ZBTB20: variants seen among roughly 807,000 people sequenced by gnomAD.
ZBTB20 encodes the protein zinc finger and BTB domain-containing protein 20.
A neutral mutation model predicts 56.9 loss-of-function variants in ZBTB20; 9 were observed. The ratio of observed to expected loss-of-function variants is 0.16; its 90% confidence interval spans 0.10 to 0.28. ZBTB20 has a LOEUF of 0.28. Among genes scored for constraint, ZBTB20 ranks in the 10% least tolerant of loss-of-function variants. The pLI is 1.00. For synonymous variants in ZBTB20, 417 were observed against 420.7 expected, an observed-to-expected ratio of 0.99 and a Z score of 0.11; for missense variants, 655 against 1,003.0, an observed-to-expected ratio of 0.65 and a Z score of 4.69.
intron 1 of ZBTB20, among the ~76,000 whole-genome samples, chr3:115,122,536 C>T (rs1327866524): frequency 6.6e-6 from 1 of 151,996 alleles, no homozygotes; most frequent in Non-Finnish European, 1.5e-5. Context: ...AATCCTATAT[C>T]TCTGAGGAGA....
chr3:114,849,219 G>A (rs2074872479), intron 4 of ZBTB20, among the ~76,000 whole-genome samples: 1 of 152,138 alleles, frequency 6.6e-6, no homozygotes. Flanking sequence ...CTAGGCAACA[G>A]GGATAATCTA....
intron 2 of ZBTB20, among the ~76,000 whole-genome samples, chr3:115,004,522 T>C (rs954482611): frequency 4.0e-5 from 6 of 151,732 alleles, no homozygotes; most frequent in Admixed American, 3.9e-4. Flanking sequence ...GGTTTGTGCC[T>C]CTTTTCTTTG....
intron 6 of ZBTB20, among the ~76,000 whole-genome samples, chr3:114,598,107 T>C (rs1474394973): frequency 2.0e-5 from 3 of 152,104 alleles, no homozygotes; most frequent in East Asian, 3.9e-4. Flanking sequence ...AGAGACATTA[T>C]CCACTTTGCC....
intron 6 of ZBTB20, among the ~76,000 whole-genome samples, chr3:114,555,874 C>T (rs188387349): frequency 1.7e-3 from 260 of 152,186 alleles, no homozygotes; most frequent in Admixed American, 4.9e-3. Context: ...CTTCAATTGT[C>T]CCAAACATGT....
intron 4 of ZBTB20, among the ~76,000 whole-genome samples, chr3:114,864,975 T>A (rs148486415): frequency 6.6e-6 from 1 of 152,078 alleles, no homozygotes; most frequent in Non-Finnish European, 1.5e-5. Flanking sequence ...AAGAGTAATA[T>A]ACACATTATA....
intron 8 of ZBTB20, among the ~76,000 whole-genome samples, chr3:114,381,825 A>C (rs6775754): frequency 0.31 from 47,889 of 152,140 alleles, 9,449 homozygotes; most frequent in Non-Finnish European, 0.43. Flanking sequence ...CAGAGATGGC[A>C]TGGCAAAGAT....
At chr3:114,415,464 C>T (rs2088441450) in intron 7 of ZBTB20, among the ~76,000 whole-genome samples, 1 of 152,160 alleles carries the variant, frequency 6.6e-6, no homozygotes, top group Middle Eastern at 3.4e-3. Context: ...AATGCCTTCA[C>T]CTGTAAAGTG....
chr3:115,027,995 A>C (rs1192075176), intron 2 of ZBTB20, among the ~76,000 whole-genome samples: 1 of 150,772 alleles, frequency 6.6e-6, no homozygotes, highest in East Asian at 1.9e-4. Flanking sequence ...TAGAACAACT[A>C]AATTTAGCTA....
chr3:114,552,541 C>T (rs1349271392), intron 6 of ZBTB20, among the ~76,000 whole-genome samples: 2 of 151,952 alleles, frequency 1.3e-5, no homozygotes, highest in African/African-American at 4.8e-5. Context: ...GGCCTATTTC[C>T]AAACCGCCCA....
intron 10 of ZBTB20, among the ~76,000 whole-genome samples, chr3:114,368,163 G>A (rs1056389660): frequency 6.6e-6 from 1 of 152,170 alleles, no homozygotes; most frequent in Non-Finnish European, 1.5e-5. Context: ...CCTATGAGAT[G>A]CATACTATTT....
intron 10 of ZBTB20, among the ~76,000 whole-genome samples, chr3:114,355,644 C>T (rs184366946): frequency 3.3e-5 from 5 of 152,210 alleles, no homozygotes; most frequent in Admixed American, 3.3e-4. Flanking sequence ...TCCTTTTCAT[C>T]CAATGGGCAT....
intron 1 of ZBTB20, among the ~76,000 whole-genome samples, chr3:115,138,527 A>T (rs1375927161): frequency 6.6e-6 from 1 of 152,070 alleles, no homozygotes; most frequent in African/African-American, 2.4e-5. Flanking sequence ...ACTGAGTTAA[A>T]ATCGTCCCAG....
intron 1 of ZBTB20, among the ~76,000 whole-genome samples, chr3:115,131,129 G>T (rs1462841183): frequency 2.0e-5 from 3 of 152,058 alleles, no homozygotes; most frequent in African/African-American, 7.2e-5. Flanking sequence ...GTGGGGTTTT[G>T]AACATGTTTT....
At chr3:114,908,445 G>A (rs182638874) in intron 3 of ZBTB20, among the ~76,000 whole-genome samples, 27 of 152,064 alleles carry the variant, frequency 1.8e-4, no homozygotes, top group Non-Finnish European at 3.4e-4. Context: ...AATAAAGTTT[G>A]CAATAACTGT....
rs142978385 is a variant in ZBTB20 at position 114,775,965 on chromosome 3, G to A, written c.-343+25136C>T. Among the ~76,000 whole-genome samples the A allele has an allele frequency of 7.4e-3, 1,124 of 151,380 alleles. 15 individuals carry two copies. The highest frequency in any genetic ancestry group is 0.013 in the Non-Finnish European group (876 of 67,894). On this transcript the variant is annotated intron_variant, in intron 5 of 11. Transcript: ENST00000675478. Reference sequence around the variant, plus strand: ...CTGCAGACCATTGATCATGGACCTAGTTTTCTTCAACCCTGTAAAATCTTG... The same window carrying A: ...CTGCAGACCATTGATCATGGACCTAATTTTCTTCAACCCTGTAAAATCTTG...
chr3:114,608,122 T>C (rs1341907921), intron 6 of ZBTB20, among the ~76,000 whole-genome samples: 3 of 151,924 alleles, frequency 2.0e-5, no homozygotes, highest in South Asian at 4.2e-4. Context: ...ATAAGGCAAT[T>C]GATATAGAGA....
intron 2 of ZBTB20, among the ~76,000 whole-genome samples, chr3:114,998,161 CA>C (rs1443179882): frequency 6.6e-6 from 1 of 151,634 alleles, no homozygotes; most frequent in African/African-American, 2.4e-5. Context: ...CCCAGCTTTC[CA>C]CATTGGTACC....
chr3:114,507,141 TG>T (rs1408683494), intron 6 of ZBTB20, among the ~76,000 whole-genome samples: 2 of 152,304 alleles, frequency 1.3e-5, no homozygotes, highest in African/African-American at 4.8e-5. Context: ...GGAAAACTGA[TG>T]CTCTTTATTC....
At position 115,139,853 on chromosome 3, in the gene ZBTB20, T is replaced by C. The variant is rs183046890; in HGVS notation, c.-703+7366A>G. Among the ~76,000 whole-genome samples the C allele has an allele frequency of 3.6e-4, 55 of 152,172 alleles. No individual in the cohort carries two copies. In the South Asian group the frequency reaches 7.0e-3, roughly 19 times the overall value. On this transcript the variant is annotated intron_variant, in intron 1 of 11. Transcript: ENST00000675478. ...TTAAGATGAGTTGGCAAAGTATTTATGTAAACTAATAGATTTATTATACTT... is the reference window on the plus strand; with the variant it reads ...TTAAGATGAGTTGGCAAAGTATTTACGTAAACTAATAGATTTATTATACTT...
Sources: gnomAD v4.1 joint callset for allele counts (sites outside exome capture counted in the v4.1 genomes callset) on GRCh38, gnomAD v4.1.1 for gene constraint, MANE v1.5 for transcripts, NCBI Gene and HGNC (gene_info 2026-07-23, HGNC 2026-07-21) for gene names.